RIN2: variants seen among roughly 807,000 people sequenced by gnomAD.
RIN2 encodes the protein RAB5 interacting protein 2.
A neutral mutation model predicts 78.0 loss-of-function variants in RIN2; 36 were observed. The ratio of observed to expected loss-of-function variants is 0.46; its 90% CI spans 0.35 to 0.61. The LOEUF is 0.61. Among genes scored for constraint, RIN2 ranks in the 20% least tolerant of loss-of-function variants. The pLI, the probability that RIN2 is intolerant of heterozygous loss-of-function variation, is 0.00. For missense variants in RIN2, 1,087 were observed against 1,159.7 expected (o/e 0.94, Z 0.91); for synonymous variants, 466 against 466.8 (o/e 1.00, Z 0.02).
intron 1 of RIN2, among the ~76,000 whole-genome samples, chr20:19,791,578 G>A (rs2034891534): frequency 6.6e-6 from 1 of 152,184 alleles, no homozygotes; most frequent in South Asian, 2.1e-4. Flanking sequence ...ATCATCAGTT[G>A]AGGAAAGTTA....
At chr20:19,904,135 G>A (rs1203472374) in intron 3 of RIN2, among the ~76,000 whole-genome samples, 1 of 151,766 alleles carries the variant, frequency 6.6e-6, no homozygotes, top group African/African-American at 2.4e-5. Context: ...GGGAGGCTGA[G>A]GCAGGAGAAT....
chr20:19,881,734 C>A (rs1160042677), intron 2 of RIN2, among the ~76,000 whole-genome samples: 1 of 152,128 alleles, frequency 6.6e-6, no homozygotes, highest in Non-Finnish European at 1.5e-5. Context: ...CATGCACCAC[C>A]ACACCTGGCT....
chr20:19,820,068 ATTAAAT>A (rs918598563), intron 2 of RIN2, among the ~76,000 whole-genome samples: 2 of 152,194 alleles, frequency 1.3e-5, no homozygotes, highest in African/African-American at 4.8e-5. Context: ...TATGGTTCTC[ATTAAAT>A]TTAAAAGGCT....
chr20:19,956,033 G>A (rs2041514916), intron 4 of RIN2, among the ~76,000 whole-genome samples: 1 of 152,064 alleles, frequency 6.6e-6, no homozygotes, highest in African/African-American at 2.4e-5. Context: ...GAGGTAGGCG[G>A]ATCACCTGAG....
chr20:19,951,956 A>G (rs898126958), intron 4 of RIN2, among the ~76,000 whole-genome samples: 3 of 152,158 alleles, frequency 2.0e-5, no homozygotes, highest in African/African-American at 2.4e-5. Flanking sequence ...GTTTCTATGA[A>G]TCTCATCAAG....
At chr20:19,897,729 T>G (rs78372085) in intron 3 of RIN2, among the ~76,000 whole-genome samples, 2 of 151,894 alleles carry the variant, frequency 1.3e-5, no homozygotes, top group Non-Finnish European at 2.9e-5. Flanking sequence ...TTTTTTTTTT[T>G]GAGTTGGAAT....
At chr20:19,940,111 CAA>C (rs1342371804) in intron 4 of RIN2, among the ~76,000 whole-genome samples, 1 of 152,148 alleles carries the variant, frequency 6.6e-6, no homozygotes, top group African/African-American at 2.4e-5. Flanking sequence ...CTTGACCTCC[CAA>C]AGAGTTAGGA....
intron 4 of RIN2, among the ~76,000 whole-genome samples, 192 bp from the exon 5 acceptor site, chr20:19,956,423 G>A (rs1221328805): frequency 6.6e-6 from 1 of 152,108 alleles, no homozygotes; most frequent in African/African-American, 2.4e-5. Context: ...TAATATTAGA[G>A]ATAGAGGGTA....
intron 3 of RIN2, among the ~76,000 whole-genome samples, chr20:19,924,064 C>CT (rs201998847): frequency 8.3e-6 from 1 of 120,824 alleles, no homozygotes; most frequent in African/African-American, 3.2e-5. Context: ...CTTCCATACC[C>CT]CACTTTCATA....
chr20:19,965,159 A>G (rs2041896147), intron 7 of RIN2, 135 bp downstream of exon 7: 1 of 724,952 alleles, frequency 1.4e-6, no homozygotes, highest in Non-Finnish European at 2.4e-6. Flanking sequence ...TTACTTAAGT[A>G]AAATGTTCAC....
At chr20:19,762,756 T>TTTTA (rs3059547) in intron 1 of RIN2, among the ~76,000 whole-genome samples, 20 of 151,264 alleles carry the variant, frequency 1.3e-4, no homozygotes, top group African/African-American at 2.2e-4. Flanking sequence ...ATGTGATTTA[T>TTTTA]TTTATTTATT....
intron 2 of RIN2, among the ~76,000 whole-genome samples, chr20:19,830,070 A>G (rs1199130912): frequency 6.6e-6 from 1 of 152,246 alleles, no homozygotes; most frequent in African/African-American, 2.4e-5. Flanking sequence ...ACGGATTGTG[A>G]TCAAAAGATT....
chr20:19,944,100 T>G (rs1382686118), intron 4 of RIN2, among the ~76,000 whole-genome samples: 1 of 152,002 alleles, frequency 6.6e-6, no homozygotes, highest in African/African-American at 2.4e-5. Flanking sequence ...CTTCTATGTA[T>G]TTTTGAAGTT....
intron 2 of RIN2, among the ~76,000 whole-genome samples, chr20:19,801,534 C>G (rs62203171): frequency 0.076 from 11,489 of 152,106 alleles, 432 homozygotes; most frequent in South Asian, 0.11. Context: ...TGTTAGCCAG[C>G]ATGGTCTCAA....
In RIN2 at chr20:19,906,855, G is replaced by A. The variant is rs536189313; in HGVS notation, c.57+17197G>A. Among the ~76,000 whole-genome samples, 8 of 152,320 alleles carry A rather than the reference G, an allele frequency of 5.3e-5. No individual in the cohort carries two copies. In the South Asian group the frequency reaches 1.7e-3, roughly 32 times the overall value. ...TGGATGAGTGTCCTATAGGCCACTG[G>A]AGTATGACCTCTGATATGTGACATA... On this transcript the variant is annotated intron_variant, in intron 3 of 12. Coordinates refer to ENST00000255006, the MANE Select transcript of RIN2 (RefSeq NM_018993.4).
chr20:19,990,937 C>T (rs1340196097), intron 10 of RIN2, among the ~76,000 whole-genome samples: 2 of 152,196 alleles, frequency 1.3e-5, no homozygotes, highest in African/African-American at 4.8e-5. Context: ...CGAAGAGTTA[C>T]AATCTTGGAA....
At chr20:19,797,987 G>T (rs2035114694) in intron 1 of RIN2, among the ~76,000 whole-genome samples, 1 of 151,702 alleles carries the variant, frequency 6.6e-6, no homozygotes, top group Non-Finnish European at 1.5e-5. Context: ...GAGTAGCTGG[G>T]ACTACAGGCA....
chr20:19,971,493 ATC>A (rs1249656570), intron 8 of RIN2, among the ~76,000 whole-genome samples: 2 of 152,100 alleles, frequency 1.3e-5, no homozygotes, highest in African/African-American at 4.8e-5. Flanking sequence ...CCTTGGGGGA[ATC>A]TGTGTGGGTT....
At chr20:19,844,697 CCTCTTCTTCTTCT>C in intron 2 of RIN2, among the ~76,000 whole-genome samples, 1 of 10,692 alleles carries the variant, frequency 9.4e-5, no homozygotes, top group Middle Eastern at 0.038. Flanking sequence ...TCTTCCTCTT[CCTCTTCTTCTTCT>C]TCTTCTTCTT....
Sources: allele counts gnomAD v4.1 joint callset (sites outside exome capture counted in the v4.1 genomes callset), GRCh38; gene constraint gnomAD v4.1.1; transcripts MANE v1.5; gene names NCBI Gene and HGNC (gene_info 2026-07-23, HGNC 2026-07-21).